The following VPS13C variants were observed in gnomAD, a reference collection of about 807,000 sequenced individuals.
VPS13C encodes intermembrane lipid transfer protein VPS13C.
VPS13C carries 358 observed loss-of-function variants against 456.8 expected under a neutral mutation model. The ratio of observed to expected loss-of-function variants is 0.78; its 90% CI spans 0.72 to 0.86. The LOEUF (loss-of-function observed/expected upper bound fraction) is 0.86. Ranked by LOEUF, VPS13C falls within the 40% of genes least tolerant of loss-of-function variation. The pLI is 0.00. For missense variants in VPS13C, 4,818 were observed against 4,385.4 expected (o/e 1.10, Z -2.79); for synonymous variants, 1,578 against 1,486.7 (o/e 1.06, Z -1.41).
At chr15:62,002,246 G>C (rs1400774203) in intron 15 of VPS13C, among the ~76,000 whole-genome samples, 1 of 152,148 alleles carries the variant, frequency 6.6e-6, no homozygotes, top group African/African-American at 2.4e-5. Context: ...TTGTGGTTTT[G>C]ATTTGCATTT....
chr15:61,965,940 A>C (rs530421777), intron 30 of VPS13C, 143 bp downstream of exon 30: 24 of 479,350 alleles, frequency 5.0e-5, no homozygotes, highest in African/African-American at 3.8e-4. Context: ...GAGCATGGTA[A>C]GTATCGATGA....
rs549846102 is a variant in VPS13C at position 61,922,632 on chromosome 15, T to A, written c.6740A>T (p.Tyr2247Phe). 1.4e-5 allele frequency: 23 copies of A among 1,614,132 alleles called. No homozygotes were observed. Among genetic ancestry groups the A allele is most frequent in the Non-Finnish European group, 1.8e-5 (21 of 1,179,972 alleles). Reference sequence around the variant, plus strand: ...GTCAACACCAAGAAACCAAGTGTTATAATCATTAATCGATTTGATACCCCA... The same window carrying A: ...GTCAACACCAAGAAACCAAGTGTTAAAATCATTAATCGATTTGATACCCCA... ...NLWGIKSIND[Y>F]NTWFLGVDTA... The change falls in exon 54 of 85, where the codon TAT becomes TTT. Residue 2247 changes from tyrosine (Y) to phenylalanine (F), a missense_variant. Physicochemically the swap from Tyr to Phe is conservative, Grantham distance 22. This residue lies in a region of VPS13C where 4,552 missense variants were observed against 4,130.6 expected (regional missense o/e 1.10). Transcript: ENST00000644861.
At chr15:61,901,718 T>C (rs1451321760) in intron 66 of VPS13C, among the ~76,000 whole-genome samples, 5 of 151,878 alleles carry the variant, frequency 3.3e-5, no homozygotes, top group African/African-American at 1.2e-4. Context: ...TCCTCAGGGA[T>C]CTAGAACTAG....
At chr15:61,921,804 T>C (rs192547102) in intron 55 of VPS13C, 143 bp downstream of exon 55, 4 of 685,132 alleles carry the variant, frequency 5.8e-6, no homozygotes, top group Non-Finnish European at 9.5e-6. Flanking sequence ...AAATGACATA[T>C]GAAAAGAGTT....
chr15:62,042,086 C>G (rs777897574), intron 2 of VPS13C, among the ~76,000 whole-genome samples: 2 of 152,078 alleles, frequency 1.3e-5, no homozygotes, highest in Non-Finnish European at 2.9e-5. Context: ...AGTTCTCTCT[C>G]AAATATTTAG....
chr15:61,961,285 G>A (rs904271260), intron 35 of VPS13C, among the ~76,000 whole-genome samples: 2 of 150,326 alleles, frequency 1.3e-5, no homozygotes, highest in African/African-American at 2.4e-5. Flanking sequence ...CCAGCTACTC[G>A]GGAGGCTGAG....
rs1193590418 is a variant in VPS13C at position 62,000,641 on chromosome 15, G to C, written c.1291-15C>G. The C allele has an allele frequency of 5.0e-6, 8 of 1,584,992 alleles. No individual in the cohort carries two copies. Among genetic ancestry groups the C allele is most frequent in the South Asian group, 1.2e-5 (1 of 83,402 alleles). On this transcript the variant is annotated splice_polypyrimidine_tract_variant and intron_variant, in intron 15 of 84. Transcript: ENST00000644861. Reference sequence around the variant, plus strand: ...TTCTCCAAGTCCTGTAAAAAACAGAGGCACTTATAAACAAGAAATTTAATC... The same window carrying C: ...TTCTCCAAGTCCTGTAAAAAACAGACGCACTTATAAACAAGAAATTTAATC...
In VPS13C at chr15:61,929,072, G is replaced by A. The variant is rs116126000; in HGVS notation, c.6286+429C>T. 7.8e-3 allele frequency among the ~76,000 whole-genome samples: 1,195 copies of A among 152,292 alleles called. 11 individuals carry two copies. Among genetic ancestry groups the A allele is most frequent in the African/African-American group, 0.028 (1,144 of 41,548 alleles). ...AGACATTTGCAAACTCTTCCACAGA[G>A]TTTAAGGAGTTAAAGCGACATCCAG... On this transcript the variant is annotated intron_variant, in intron 51 of 84. Coordinates refer to ENST00000644861, the MANE Select transcript of VPS13C (RefSeq NM_020821.3).
At chr15:61,863,965 G>A (rs1894367787) in intron 81 of VPS13C, 1 of 152,032 alleles carries the variant, frequency 6.6e-6, no homozygotes, top group South Asian at 2.1e-4. Flanking sequence ...TGAAAACGTA[G>A]TTCTAAAACT....
At chr15:61,974,481 C>T in intron 24 of VPS13C, 64 bp from the exon 25 acceptor site, 1 of 1,544,882 alleles carries the variant, frequency 6.5e-7, no homozygotes, top group Admixed American at 1.8e-5. Flanking sequence ...GAAAGAATTG[C>T]ATTAATGTAA....
chr15:62,018,298 C>T (rs1021185955), intron 9 of VPS13C, among the ~76,000 whole-genome samples: 1 of 152,076 alleles, frequency 6.6e-6, no homozygotes, highest in Non-Finnish European at 1.5e-5. Context: ...TGCTTGACTG[C>T]CCTGGCCAGA....
intron 28 of VPS13C, among the ~76,000 whole-genome samples, chr15:61,968,038 GA>G (rs2045434376): frequency 6.6e-6 from 1 of 151,728 alleles, no homozygotes. Context: ...TTCACTAAAG[GA>G]AAAAATAGCC....
rs377119749 is a variant in VPS13C, at chr15:61,954,418, C to T, written c.4299+3G>A. 6.2e-6 allele frequency: 10 copies of T among 1,601,982 alleles called. No individual in the cohort carries two copies. In the African/African-American group the frequency reaches 9.4e-5, roughly 15 times the overall value. On this transcript the variant is annotated splice_donor_region_variant and intron_variant, in intron 38 of 84. Coordinates refer to ENST00000644861, the MANE Select transcript of VPS13C (RefSeq NM_020821.3). Reference sequence around the variant, plus strand: ...TTTACAAAAACAGATGAAAATTACACACCTCTTTAATTTCAAAATTCAGCA... The same window carrying T: ...TTTACAAAAACAGATGAAAATTACATACCTCTTTAATTTCAAAATTCAGCA...
At chr15:61,932,528 A>G (rs1205248698) in intron 49 of VPS13C, among the ~76,000 whole-genome samples, 2 of 151,596 alleles carry the variant, frequency 1.3e-5, no homozygotes, top group Non-Finnish European at 1.5e-5. Flanking sequence ...CCAGATTTAA[A>G]AAAAAAAAAA....
chr15:62,037,383 T>C (rs2048085637), intron 3 of VPS13C, among the ~76,000 whole-genome samples: 1 of 87,872 alleles, frequency 1.1e-5, no homozygotes, highest in South Asian at 2.9e-4. Flanking sequence ...TATATATAAA[T>C]GTATATAATA....
chr15:61,993,550 T>C (rs949224835), intron 16 of VPS13C, among the ~76,000 whole-genome samples: 17 of 152,204 alleles, frequency 1.1e-4, no homozygotes, highest in African/African-American at 4.1e-4. Flanking sequence ...AGCATTAGCG[T>C]TGAAATCTTA....
At chr15:61,962,664 A>G (rs1567051340) in intron 33 of VPS13C, 85 bp downstream of exon 33, 3 of 1,301,778 alleles carry the variant, frequency 2.3e-6, no homozygotes, top group East Asian at 5.3e-5. Flanking sequence ...TATTTCATTA[A>G]TGTTTTTAAA....
chr15:62,022,046 T>C (rs992272944), intron 8 of VPS13C, among the ~76,000 whole-genome samples: 2 of 151,878 alleles, frequency 1.3e-5, no homozygotes, highest in Non-Finnish European at 2.9e-5. Flanking sequence ...TACCCATTCA[T>C]CCACTGATGG....
chr15:61,877,187 C>G, intron 74 of VPS13C, 133 bp from the exon 75 acceptor site: 1 of 566,938 alleles, frequency 1.8e-6, no homozygotes, highest in South Asian at 3.2e-5. Context: ...TTACCACATA[C>G]AATTTATGAT....
Sources: gnomAD v4.1 joint callset for allele counts (sites outside exome capture counted in the v4.1 genomes callset) on GRCh38, gnomAD v4.1.1 for gene constraint, gnomAD v4.1.1 regional missense constraint, MANE v1.5 for transcripts, NCBI Gene and HGNC (gene_info 2026-07-23, HGNC 2026-07-21) for gene names.